The following DLG2 variants were observed in gnomAD, a reference collection of about 807,000 sequenced individuals.
DLG2 encodes disks large homolog 2.
In DLG2, 45 loss-of-function variants were observed where a neutral mutation model predicts 132.5. The ratio of observed to expected loss-of-function variants is 0.34; its 90% CI spans 0.27 to 0.44. DLG2 has a LOEUF of 0.44. Ranked by LOEUF, DLG2 falls within the 20% of genes least tolerant of loss-of-function variation. The pLI, the probability that DLG2 is intolerant of heterozygous loss-of-function variation, is 1.00. For missense variants in DLG2, 1,045 were observed against 1,196.9 expected (o/e 0.87, Z 1.87); for synonymous variants, 424 against 419.6 (o/e 1.01, Z -0.13).
chr11:83,898,216 T>C (rs958438690), intron 15 of DLG2, among the ~76,000 whole-genome samples: 4 of 152,172 alleles, frequency 2.6e-5, no homozygotes, highest in African/African-American at 9.6e-5. Flanking sequence ...TATATATTTA[T>C]AAACATTTGC....
At chr11:85,364,938 G>T (rs1338171029) in intron 3 of DLG2, among the ~76,000 whole-genome samples, 1 of 151,390 alleles carries the variant, frequency 6.6e-6, no homozygotes, top group African/African-American at 2.4e-5. Flanking sequence ...AAATTATAAA[G>T]GTGCTTCCAT....
At chr11:84,002,450 C>T (rs2094398961) in intron 11 of DLG2, among the ~76,000 whole-genome samples, 2 of 152,162 alleles carry the variant, frequency 1.3e-5, no homozygotes, top group Admixed American at 6.5e-5. Flanking sequence ...CAAACTTCTG[C>T]CTGGACATCC....
chr11:85,476,662 C>G (rs1389710052), intron 3 of DLG2, among the ~76,000 whole-genome samples: 1 of 151,938 alleles, frequency 6.6e-6, no homozygotes, highest in Non-Finnish European at 1.5e-5. Flanking sequence ...AACACAGGAA[C>G]ACACACTAAC....
intron 3 of DLG2, among the ~76,000 whole-genome samples, chr11:85,399,867 A>G (rs1315288492): frequency 1.3e-5 from 2 of 152,152 alleles, no homozygotes; most frequent in Admixed American, 6.5e-5. Flanking sequence ...GGACATAGGC[A>G]TGGGCAAGGA....
intron 3 of DLG2, among the ~76,000 whole-genome samples, chr11:85,428,054 A>T (rs1267638602): frequency 6.6e-6 from 1 of 152,226 alleles, no homozygotes; most frequent in Non-Finnish European, 1.5e-5. Flanking sequence ...TGGTAAAGGG[A>T]TCAATTCAAC....
intron 9 of DLG2, among the ~76,000 whole-genome samples, chr11:84,123,400 G>C (rs1038801848): frequency 6.6e-5 from 10 of 152,154 alleles, no homozygotes; most frequent in Non-Finnish European, 1.0e-4. Flanking sequence ...CCAAGTCTAT[G>C]CTGTGCTTGG....
At chr11:83,477,108 T>A (rs1456141356) in intron 22 of DLG2, among the ~76,000 whole-genome samples, 1 of 152,076 alleles carries the variant, frequency 6.6e-6, no homozygotes, top group Non-Finnish European at 1.5e-5. Flanking sequence ...GAAGGATAAT[T>A]ATCAGCTTGC....
At chr11:84,522,412 C>G (rs1365727667) in intron 7 of DLG2, among the ~76,000 whole-genome samples, 3 of 152,008 alleles carry the variant, frequency 2.0e-5, no homozygotes, top group Admixed American at 1.3e-4. Flanking sequence ...TTGTTCTGTT[C>G]TATGTAAAGG....
chr11:84,238,051 A>C, intron 8 of DLG2, among the ~76,000 whole-genome samples: 1 of 151,074 alleles, frequency 6.6e-6, no homozygotes, highest in East Asian at 1.9e-4. Flanking sequence ...CTAAAAAAAA[A>C]AAAAAAAAAA....
chr11:84,391,748 T>C (rs756659863), intron 7 of DLG2, among the ~76,000 whole-genome samples: 12 of 151,986 alleles, frequency 7.9e-5, no homozygotes, highest in Non-Finnish European at 1.8e-4. Flanking sequence ...GAATTGTTTC[T>C]TCCTAAAAAC....
intron 6 of DLG2, among the ~76,000 whole-genome samples, chr11:84,932,723 G>GGT (rs1491014438): frequency 1.0e-5 from 1 of 96,832 alleles, no homozygotes; most frequent in Non-Finnish European, 2.0e-5. Flanking sequence ...AGTATTCCAT[G>GGT]GTATATATAT....
At chr11:84,177,751 T>C (rs1247410754) in intron 8 of DLG2, among the ~76,000 whole-genome samples, 1 of 152,122 alleles carries the variant, frequency 6.6e-6, no homozygotes, top group Admixed American at 6.6e-5. Context: ...CATAGGATTG[T>C]GAAGGATAAA....
intron 19 of DLG2, among the ~76,000 whole-genome samples, chr11:83,591,405 A>C: frequency 1.0e-5 from 1 of 100,278 alleles, no homozygotes; most frequent in Non-Finnish European, 2.0e-5. Context: ...TGATTATCTC[A>C]ATAGATGCAG....
chr11:83,936,982 AT>A (rs1156697844), intron 14 of DLG2, among the ~76,000 whole-genome samples: 1 of 152,182 alleles, frequency 6.6e-6, no homozygotes, highest in Non-Finnish European at 1.5e-5. Flanking sequence ...GATTTGAATT[AT>A]TTGAGGAAGG....
At chr11:84,353,006 C>G (rs1409763526) in intron 7 of DLG2, among the ~76,000 whole-genome samples, 2 of 152,186 alleles carry the variant, frequency 1.3e-5, no homozygotes, top group African/African-American at 4.8e-5. Flanking sequence ...TCCCATTACA[C>G]TAGATATTTT....
chr11:84,480,402 T>G (rs981371228), intron 7 of DLG2, among the ~76,000 whole-genome samples: 2 of 152,164 alleles, frequency 1.3e-5, no homozygotes, highest in African/African-American at 4.8e-5. Flanking sequence ...AAACAGGCAG[T>G]GAATGAGATT....
At chr11:84,539,017 T>C (rs2099361912) in intron 6 of DLG2, among the ~76,000 whole-genome samples, 1 of 152,134 alleles carries the variant, frequency 6.6e-6, no homozygotes, top group African/African-American at 2.4e-5. Flanking sequence ...TTTATAACAC[T>C]AGGATTAATA....
intron 12 of DLG2, among the ~76,000 whole-genome samples, chr11:83,971,264 A>C (rs1220486418): frequency 6.6e-6 from 1 of 152,150 alleles, no homozygotes; most frequent in East Asian, 1.9e-4. Context: ...ACATATGTGC[A>C]GCCTGGCTGT....
At chr11:84,933,760 G>A (rs2048362783) in intron 6 of DLG2, among the ~76,000 whole-genome samples, 1 of 152,092 alleles carries the variant, frequency 6.6e-6, no homozygotes, top group Non-Finnish European at 1.5e-5. Context: ...AAAGCTTTTG[G>A]GCTGAGACTA....
Sources: gnomAD v4.1 joint callset for allele counts (sites outside exome capture counted in the v4.1 genomes callset) on GRCh38, gnomAD v4.1.1 for gene constraint, MANE v1.5 for transcripts, NCBI Gene and HGNC (gene_info 2026-07-23, HGNC 2026-07-21) for gene names.